The following CCDC63 variants were observed in gnomAD, a reference collection of about 807,000 sequenced individuals.
CCDC63 encodes the protein coiled-coil domain containing 63.
A neutral mutation model predicts 63.6 loss-of-function variants in CCDC63; 54 were observed. The ratio of observed to expected loss-of-function variants is 0.85; its 90% CI spans 0.68 to 1.07. CCDC63 has a LOEUF of 1.07. Ranked by LOEUF, CCDC63 falls within the 50% of genes least tolerant of loss-of-function variation. The pLI is 0.00. For synonymous variants in CCDC63, 253 were observed against 266.1 expected (o/e 0.95, Z 0.48); for missense variants, 637 against 689.6 (o/e 0.92, Z 0.86).
rs763935999 is a variant in CCDC63, at chr12:110,858,700, C to T, written c.294C>T (p.Leu98=). 3 of 1,613,840 alleles carry T rather than the reference C, an allele frequency of 1.9e-6. No individual in the cohort carries two copies. In the African/African-American group the frequency reaches 4.0e-5, roughly 22 times the overall value. Residue 98 remains leucine, a synonymous_variant, in exon 4 of 12, where the codon CTC becomes CTT. Coordinates refer to ENST00000308208, the MANE Select transcript of CCDC63 (RefSeq NM_152591.3). ...RSEKNYMELR[L]LLQTKEDYEA... The stretch of plus-strand genomic sequence containing the variant: ...AGAAGAACTACATGGAGCTGCGACT[C>T]CTGCTCCAAACTAAGGAGGACTATG...
chr12:110,857,825 G>A (rs897200031), intron 3 of CCDC63, among the ~76,000 whole-genome samples: 3 of 152,128 alleles, frequency 2.0e-5, no homozygotes, highest in African/African-American at 7.2e-5. Context: ...AATCCTGCCT[G>A]GCCAGGCACG....
rs1455299928 is a variant in CCDC63 at position 110,889,146 on chromosome 12, T to C, written c.1075-3930T>C. On this transcript the variant is annotated intron_variant, in intron 8 of 11. Transcript: ENST00000308208. This position sits in a 1 kb window ranked among gnomAD's most constrained non-coding sequence, Gnocchi z 4.1. The stretch of plus-strand genomic sequence containing the variant: ...TTATTATCATATAAAGTTGTGTATC[T>C]GATTGAAGCAAATGTCCTTTTGGTT... Among the ~76,000 whole-genome samples the C allele has an allele frequency of 2.0e-5, 3 of 152,164 alleles. No individual in the cohort carries two copies. Among genetic ancestry groups the C allele is most frequent in the African/African-American group, 7.2e-5 (3 of 41,436 alleles).
intron 3 of CCDC63, among the ~76,000 whole-genome samples, chr12:110,858,169 TAAATA>T (rs1412574802): frequency 4.1e-5 from 6 of 145,692 alleles, no homozygotes; most frequent in Admixed American, 1.3e-4. Flanking sequence ...AAAAATAAAA[TAAATA>T]AAATAAAATC....
At position 110,853,484 on chromosome 12, in the gene CCDC63, A is replaced by AGCTCCGGAAGCTAAGGCAGC; in HGVS notation, c.90_109dup (p.Gln37ArgfsTer5). 2 of 1,614,204 alleles carry AGCTCCGGAAGCTAAGGCAGC rather than the reference A, an allele frequency of 1.2e-6. No homozygotes were observed. The highest frequency in any genetic ancestry group is 1.7e-6 in the Non-Finnish European group (2 of 1,180,022). Reference sequence around the variant, plus strand: ...GCCAAAGAGCAGCAGGCGGAGGCAGAGCTCCGGAAGCTAAGGCAGCAGTTC... The same window carrying AGCTCCGGAAGCTAAGGCAGC: ...GCCAAAGAGCAGCAGGCGGAGGCAGAGCTCCGGAAGCTAAGGCAGCGCTCCGGAAGCTAAGGCAGCAGTTC... On this transcript the variant is annotated frameshift_variant, in exon 3 of 12. Coordinates refer to ENST00000308208, the MANE Select transcript of CCDC63 (RefSeq NM_152591.3). LOFTEE classifies it high-confidence loss of function.
intron 5 of CCDC63, 91 bp from the exon 6 acceptor site, chr12:110,879,815 G>A: frequency 7.8e-7 from 1 of 1,277,882 alleles, no homozygotes; most frequent in Non-Finnish European, 1.1e-6. Flanking sequence ...ATGAGGTGGG[G>A]CAAAGACCTG....
intron 4 of CCDC63, among the ~76,000 whole-genome samples, chr12:110,867,706 A>C (rs1593656820): frequency 5.2e-5 from 4 of 76,352 alleles, no homozygotes; most frequent in Admixed American, 1.5e-4. Context: ...CGGAGGGCTG[A>C]CCCCCCCACC....
At chr12:110,880,577 A>G (rs1650475032) in intron 6 of CCDC63, among the ~76,000 whole-genome samples, 1 of 151,816 alleles carries the variant, frequency 6.6e-6, no homozygotes, top group Admixed American at 6.6e-5. Flanking sequence ...TCACTACTGT[A>G]TTGTTGTAGG....
At position 110,884,211 on chromosome 12, in the gene CCDC63, C is replaced by T. The variant is rs377337666; in HGVS notation, c.1035C>T (p.Asn345=). ...ARFTYVTELN[N]DMEMMHKRTQ... ...TCACGTATGTCACGGAGCTCAACAA[C>T]GACATGGAGATGATGCACAAGAGGA... The change falls in exon 8 of 12, where the codon AAC becomes AAT. Residue 345 remains asparagine (N), a synonymous_variant. Transcript: ENST00000308208. 24 of 1,613,946 alleles carry T rather than the reference C, an allele frequency of 1.5e-5. No homozygotes were observed. The highest frequency in any genetic ancestry group is 1.5e-4 in the African/African-American group (11 of 74,902).
chr12:110,876,552 G>C (rs544213811), intron 5 of CCDC63, among the ~76,000 whole-genome samples: 4 of 152,058 alleles, frequency 2.6e-5, no homozygotes, highest in Admixed American at 2.6e-4. Flanking sequence ...TCATGCCCCG[G>C]TTGCTTCACT....
intron 9 of CCDC63, among the ~76,000 whole-genome samples, chr12:110,893,604 T>C (rs1030856435): frequency 1.3e-5 from 2 of 152,166 alleles, no homozygotes; most frequent in African/African-American, 4.8e-5. Flanking sequence ...TGCACTTTCA[T>C]TGAATCCTGG....
chr12:110,862,603 C>T (rs2070869834), intron 4 of CCDC63, among the ~76,000 whole-genome samples: 1 of 152,172 alleles, frequency 6.6e-6, no homozygotes, highest in South Asian at 2.1e-4. Context: ...ATGCTGATGC[C>T]ACAGCTTCCC....
At chr12:110,892,293 A>G (rs1257102029) in intron 8 of CCDC63, among the ~76,000 whole-genome samples, 2 of 152,170 alleles carry the variant, frequency 1.3e-5, no homozygotes, top group African/African-American at 4.8e-5. Context: ...GGTTGGGCAC[A>G]GTGGCTCTGT....
intron 10 of CCDC63, among the ~76,000 whole-genome samples, chr12:110,899,644 T>C (rs2071461008): frequency 6.6e-6 from 1 of 151,646 alleles, no homozygotes; most frequent in African/African-American, 2.4e-5. Context: ...AACCTCACTG[T>C]GCTTCAGATT....
At chr12:110,854,937 C>T (rs1291072437) in intron 3 of CCDC63, among the ~76,000 whole-genome samples, 1 of 152,014 alleles carries the variant, frequency 6.6e-6, no homozygotes, top group Non-Finnish European at 1.5e-5. Flanking sequence ...TAGCTGGGAT[C>T]ACAGGCGTGT....
intron 4 of CCDC63, 44 bp from the exon 5 acceptor site, chr12:110,873,798 A>G (rs768143764): frequency 6.2e-7 from 1 of 1,606,678 alleles, no homozygotes; most frequent in South Asian, 1.1e-5. Flanking sequence ...GTACCCATAC[A>G]GATGCTAACA....
Position 110,907,391 on chromosome 12 carries a change from A to G in CCDC63, c.1607A>G (p.Lys536Arg). The change falls in exon 12 of 12, where the codon AAG becomes AGG. Residue 536 changes from lysine (K) to arginine (R), a missense_variant. Transcript: ENST00000308208. The surrounding 1 kb of genome is among the most constrained non-coding windows in gnomAD (Gnocchi z 4.4). ...RQLVLDNYILKENRSKEVRGD... is the reference protein window; with the variant it reads ...RQLVLDNYILRENRSKEVRGD... The stretch of plus-strand genomic sequence containing the variant: ...CTGGTTCTCGACAATTATATCCTGA[A>G]GGAGAATCGGAGTAAGGAAGTGCGC... 1 of 1,614,156 alleles carries G rather than the reference A, an allele frequency of 6.2e-7. No individual in the cohort carries two copies. Among genetic ancestry groups the G allele is most frequent in the Non-Finnish European group, 8.5e-7 (1 of 1,180,018 alleles).
chr12:110,893,522 A>T (rs1048302070), intron 9 of CCDC63, among the ~76,000 whole-genome samples: 3 of 152,042 alleles, frequency 2.0e-5, no homozygotes, highest in Non-Finnish European at 4.4e-5. Context: ...CCCTGTTCTC[A>T]ATCAGTAATA....
At position 110,853,113 on chromosome 12, in the gene CCDC63, G is replaced by A. The variant is rs112490408; in HGVS notation, c.9+150G>A. ...GAGGCTGGAGGCTCAGAGACATCCAGTGACTCACCCAAGTTCCCACTAGAT... is the reference window on the plus strand; with the variant it reads ...GAGGCTGGAGGCTCAGAGACATCCAATGACTCACCCAAGTTCCCACTAGAT... On this transcript the variant is annotated intron_variant, in intron 2 of 11. Transcript: ENST00000308208. The A allele has an allele frequency of 4.7e-5, 42 of 900,210 alleles. No homozygotes were observed. In the African/African-American group the frequency reaches 6.6e-4, roughly 14 times the overall value. 55.8% of individuals were successfully genotyped at this position (900,210 alleles called of 1,614,324 possible). A position where few individuals can be genotyped will look rare whatever the true frequency, so the allele number is the denominator to read the frequency against.
intron 8 of CCDC63, among the ~76,000 whole-genome samples, chr12:110,888,669 G>C (rs564974110): frequency 4.1e-4 from 62 of 152,276 alleles, no homozygotes; most frequent in Admixed American, 1.2e-3. Flanking sequence ...AGAGAATCTG[G>C]AAAGCAACTA....
Sources: gnomAD v4.1 joint callset for allele counts (sites outside exome capture counted in the v4.1 genomes callset) on GRCh38, gnomAD v4.1.1 for gene constraint, Gnocchi (gnomAD v3.1) non-coding constraint, MANE v1.5 for transcripts, NCBI Gene and HGNC (gene_info 2026-07-23, HGNC 2026-07-21) for gene names.